The following CPEB3 variants were observed in gnomAD, a reference collection of about 807,000 sequenced individuals.
CPEB3 encodes cytoplasmic polyadenylation element binding protein 3.
Under a neutral mutation model 67.2 loss-of-function variants are expected in CPEB3, and 20 were observed. The observed-to-expected ratio is 0.30, with a 90% CI of 0.21 to 0.43. The LOEUF (loss-of-function observed/expected upper bound fraction) is 0.43. CPEB3 is among the 20% of genes least tolerant of loss of function. The pLI, the probability that CPEB3 is intolerant of heterozygous loss-of-function variation, is 1.00. For missense variants in CPEB3, 746 were observed against 968.6 expected, an observed-to-expected ratio of 0.77 and a Z score of 3.05; for synonymous variants, 376 against 393.1, an observed-to-expected ratio of 0.96 and a Z score of 0.51.
chr10:92,274,369 T>C (rs1841881202), intron 1 of CPEB3, among the ~76,000 whole-genome samples: 4 of 152,236 alleles, frequency 2.6e-5, no homozygotes, highest in African/African-American at 9.6e-5. Context: ...TATTTATTTA[T>C]ACTTCATCTT....
At chr10:92,290,014 G>GT (rs1227717356) in intron 1 of CPEB3, among the ~76,000 whole-genome samples, 1 of 148,688 alleles carries the variant, frequency 6.7e-6, no homozygotes, top group Non-Finnish European at 1.5e-5. Flanking sequence ...TGGGTTTGTT[G>GT]TTTTTTCCCA....
intron 2 of CPEB3, among the ~76,000 whole-genome samples, chr10:92,193,627 A>T (rs368111309): frequency 3.5e-4 from 51 of 146,164 alleles, no homozygotes; most frequent in Non-Finnish European, 5.6e-4. Flanking sequence ...ATTAAAAAAA[A>T]TTTTTTTTTA....
chr10:92,259,055 C>T (rs1037312548), intron 1 of CPEB3, among the ~76,000 whole-genome samples: 8 of 151,678 alleles, frequency 5.3e-5, no homozygotes, highest in African/African-American at 1.7e-4. Flanking sequence ...CTCCACCTCC[C>T]GGGTTCAAGC....
At chr10:92,065,831 C>A (rs373714402) in intron 9 of CPEB3, among the ~76,000 whole-genome samples, 1 of 152,016 alleles carries the variant, frequency 6.6e-6, no homozygotes, top group East Asian at 1.9e-4. Flanking sequence ...CAGTGGCTCA[C>A]ACCTATAATT....
intron 9 of CPEB3, among the ~76,000 whole-genome samples, chr10:92,054,067 C>T (rs1842023010): frequency 1.3e-5 from 2 of 152,118 alleles, no homozygotes; most frequent in African/African-American, 4.8e-5. Context: ...TGCTTGTTGT[C>T]CATTTGTATA....
chr10:92,264,327 C>CAAAA (rs1216678647), intron 1 of CPEB3, among the ~76,000 whole-genome samples: 1 of 86,668 alleles, frequency 1.2e-5, no homozygotes, highest in Non-Finnish European at 2.4e-5. Context: ...GACTCCATCT[C>CAAAA]AAAAAAAAAA....
chr10:92,248,834 T>C (rs1339158708), intron 1 of CPEB3, among the ~76,000 whole-genome samples: 2 of 152,224 alleles, frequency 1.3e-5, no homozygotes, highest in South Asian at 2.1e-4. Context: ...TTTGTCAGTC[T>C]ATCTTGCTTG....
intron 4 of CPEB3, among the ~76,000 whole-genome samples, chr10:92,176,821 C>T (rs1281991759): frequency 1.3e-5 from 2 of 152,346 alleles, no homozygotes; most frequent in South Asian, 2.1e-4. Context: ...CACAAGACCA[C>T]GAATGCTAAA....
chr10:92,228,740 G>A (rs1851109257), intron 2 of CPEB3, among the ~76,000 whole-genome samples: 1 of 149,048 alleles, frequency 6.7e-6, no homozygotes, highest in South Asian at 2.1e-4. Context: ...TTGAGACAGT[G>A]GCTCGCTCTG....
chr10:92,265,951 C>T (rs1590576800), intron 1 of CPEB3, among the ~76,000 whole-genome samples: 1 of 151,680 alleles, frequency 6.6e-6, no homozygotes, highest in African/African-American at 2.4e-5. Context: ...TGGATTAATC[C>T]ACTCATGGAT....
rs74149397 is a variant in CPEB3, at chr10:92,244,882, T to C, written c.-11-4521A>G. Among the ~76,000 whole-genome samples, 817 of 152,336 alleles carry C rather than the reference T, an allele frequency of 5.4e-3. 8 individuals carry two copies. Among genetic ancestry groups the C allele is most frequent in the African/African-American group, 0.019 (778 of 41,574 alleles). On this transcript the variant is annotated intron_variant, in intron 1 of 9. Transcript: ENST00000265997. Reference sequence around the variant, plus strand: ...TAGTTCAAGAACCGGTTTGTTCACGTAGGCAGAAGATATTTCTTGTGGGAT... The same window carrying C: ...TAGTTCAAGAACCGGTTTGTTCACGCAGGCAGAAGATATTTCTTGTGGGAT...
At chr10:92,225,914 T>C (rs1850948341) in intron 2 of CPEB3, among the ~76,000 whole-genome samples, 1 of 152,162 alleles carries the variant, frequency 6.6e-6, no homozygotes, top group Non-Finnish European at 1.5e-5. Context: ...CTGACCTACA[T>C]GGTGAAATCC....
At chr10:92,203,862 A>G (rs1364192667) in intron 2 of CPEB3, among the ~76,000 whole-genome samples, 1 of 152,106 alleles carries the variant, frequency 6.6e-6, no homozygotes, top group Non-Finnish European at 1.5e-5. Flanking sequence ...TCCCAAGGTA[A>G]CCCTACTGCC....
chr10:92,191,905 C>T (rs1849002121), intron 3 of CPEB3, among the ~76,000 whole-genome samples: 2 of 152,162 alleles, frequency 1.3e-5, no homozygotes, highest in African/African-American at 4.8e-5. Flanking sequence ...AACTTTGAGA[C>T]TTTCTGCCTT....
chr10:92,214,890 C>T (rs1190676183), intron 2 of CPEB3, among the ~76,000 whole-genome samples: 3 of 152,014 alleles, frequency 2.0e-5, no homozygotes, highest in Non-Finnish European at 4.4e-5. Flanking sequence ...ACTCTGTCAC[C>T]CAGCTGGAGT....
At chr10:92,120,133 G>A (rs190782632) in intron 6 of CPEB3, among the ~76,000 whole-genome samples, 148 of 114,850 alleles carry the variant, frequency 1.3e-3, no homozygotes, top group Admixed American at 2.2e-3. Context: ...TTGCTACGCC[G>A]GGTGCGGTGG....
chr10:92,115,871 C>T (rs901591688), intron 6 of CPEB3, among the ~76,000 whole-genome samples: 1 of 152,220 alleles, frequency 6.6e-6, no homozygotes, highest in African/African-American at 2.4e-5. Context: ...AGTAGAATCA[C>T]TCAGTGATTT....
At chr10:92,052,719 C>G (rs919044713) in intron 9 of CPEB3, among the ~76,000 whole-genome samples, 2 of 152,186 alleles carry the variant, frequency 1.3e-5, no homozygotes, top group African/African-American at 4.8e-5. Flanking sequence ...AAACACATTA[C>G]ACACACACAT....
intron 1 of CPEB3, among the ~76,000 whole-genome samples, chr10:92,268,523 A>G (rs1182195706): frequency 6.6e-6 from 1 of 152,170 alleles, no homozygotes; most frequent in African/African-American, 2.4e-5. Context: ...CACCCAAAAG[A>G]AAACTGCTAT....
Sources: allele counts gnomAD v4.1 joint callset (sites outside exome capture counted in the v4.1 genomes callset), GRCh38; gene constraint gnomAD v4.1.1; transcripts MANE v1.5; gene names NCBI Gene and HGNC (gene_info 2026-07-23, HGNC 2026-07-21).